The following TMEM134 variants were observed in gnomAD, a reference collection of about 807,000 sequenced individuals.
TMEM134 encodes the protein transmembrane protein 134.
A neutral mutation model predicts 26.2 loss-of-function variants in TMEM134; 36 were observed. The ratio of observed to expected loss-of-function variants is 1.37; its 90% CI spans 1.05 to 1.81. The LOEUF (loss-of-function observed/expected upper bound fraction) is 1.81, where lower values mean the gene tolerates loss of function less well. Ranked by LOEUF, TMEM134 falls within the 40% of genes most tolerant of loss-of-function variation. The pLI, the probability that TMEM134 is intolerant of heterozygous loss-of-function variation, is 0.00. For missense variants in TMEM134, 339 were observed against 263.5 expected (o/e 1.29, Z -1.98); for synonymous variants, 133 against 113.6 (o/e 1.17, Z -1.08).
intron 1 of TMEM134, among the ~76,000 whole-genome samples, chr11:67,468,502 G>T (rs978496628): frequency 2.0e-5 from 3 of 152,224 alleles, no homozygotes; most frequent in Non-Finnish European, 2.9e-5. Flanking sequence ...GGGAAAATGG[G>T]TTTTTCTGGT....
intron 5 of TMEM134, 96 bp downstream of exon 5, chr11:67,464,960 G>A (rs1865156901): frequency 2.0e-6 from 3 of 1,530,170 alleles, no homozygotes; most frequent in East Asian, 2.3e-5. Flanking sequence ...AGCTGAAAAG[G>A]AGCCGTGTAC....
intron 1 of TMEM134, chr11:67,468,302 C>A: frequency 1.7e-6 from 1 of 580,070 alleles, no homozygotes; most frequent in Non-Finnish European, 3.1e-6. Flanking sequence ...GGAGCAGGAG[C>A]CTGCATAGAT....
chr11:67,466,773 C>T (rs1405029823), intron 4 of TMEM134: 1 of 163,556 alleles, frequency 6.1e-6, no homozygotes, highest in Non-Finnish European at 1.4e-5. Context: ...GGTGTGAGAT[C>T]TGCCTGCTCT....
chr11:67,464,197 A>G lies in TMEM134; in HGVS notation c.*417T>C, dbSNP rs912496679. The G allele has an allele frequency of 1.1e-5, 3 of 276,778 alleles. No individual in the cohort carries two copies. The highest frequency in any genetic ancestry group is 1.1e-4 in the East Asian group (1 of 8,782). 17.1% of individuals were successfully genotyped at this position (276,778 alleles called of 1,614,324 possible). A position where few individuals can be genotyped will look rare whatever the true frequency, so the allele number is the denominator to read the frequency against. ...TCCTACGCCCAGCTCTGCCCCTAACATGCCCCGTGCCCTTGGGCAAGCCTC... is the reference window on the plus strand; with the variant it reads ...TCCTACGCCCAGCTCTGCCCCTAACGTGCCCCGTGCCCTTGGGCAAGCCTC... On this transcript the variant is annotated 3_prime_UTR_variant, in exon 7 of 7. Transcript: ENST00000308022.
At position 67,464,493 on chromosome 11, in the gene TMEM134, C is replaced by G. The variant is rs1565168266; in HGVS notation, c.*121G>C. 1 of 1,070,034 alleles carries G rather than the reference C, an allele frequency of 9.3e-7. No homozygotes were observed. 66.3% of individuals were successfully genotyped at this position (1,070,034 alleles called of 1,614,324 possible). A position where few individuals can be genotyped will look rare whatever the true frequency, so the allele number is the denominator to read the frequency against. On this transcript the variant is annotated 3_prime_UTR_variant, in exon 7 of 7. Transcript: ENST00000308022. ...GCCTGCATGCCCCGAACTTCCTGAG[C>G]AAACTCCCTAGGGGCTGGGGTTTCG... is the stretch of plus-strand genomic sequence containing the variant.
chr11:67,467,565 T>G lies in TMEM134; in HGVS notation c.265A>C (p.Ser89Arg). ...TRDSSRTSIR[S>R]SQWSFSTISS... ...ATGGTGCTGAAGGACCACTGGGAGC[T>G]GCGGATGGAAGTTCGGCTGGAATCC... Residue 89 changes from serine (S) to arginine (R), a missense_variant, in exon 3 of 7, where the codon AGC becomes CGC. Coordinates refer to ENST00000308022, the MANE Select transcript of TMEM134 (RefSeq NM_025124.4). 1 of 1,614,006 alleles carries G rather than the reference T, an allele frequency of 6.2e-7. No individual in the cohort carries two copies. Among genetic ancestry groups the G allele is most frequent in the African/African-American group, 1.3e-5 (1 of 74,994 alleles).
In TMEM134 at chr11:67,467,402, G is replaced by A. The variant is rs144723667; in HGVS notation, c.330-14C>T. ...TGTTGGGTCCAGCTGGGTGGCAGGA[G>A]AGCAGGGTGAATGTGAAGGAGGTGG... On this transcript the variant is annotated splice_polypyrimidine_tract_variant and intron_variant, in intron 3 of 6. Coordinates refer to ENST00000308022, the MANE Select transcript of TMEM134 (RefSeq NM_025124.4). 272 of 1,613,874 alleles carry A rather than the reference G, an allele frequency of 1.7e-4. 1 individual carries two copies. The East Asian group carries it at 5.7e-3, about 34-fold the overall frequency.
rs1433913381 is a variant in TMEM134, at chr11:67,466,917, C to T, written c.406+395G>A. ...GGCACTCGGCATCCCTGAGCCCCTA[C>T]ACGTGGCTTCTGGGCACCACCTCAC... On this transcript the variant is annotated intron_variant, in intron 4 of 6. Coordinates refer to ENST00000308022, the MANE Select transcript of TMEM134 (RefSeq NM_025124.4). The T allele has an allele frequency of 2.8e-5, 7 of 251,912 alleles. No homozygotes were observed. In the East Asian group the frequency reaches 8.2e-4, roughly 29 times the overall value. The allele number at this position is 251,912 out of a possible 1,614,324, so 15.6% of individuals were successfully genotyped here. A position where few individuals can be genotyped will look rare whatever the true frequency, so the allele number is the denominator to read the frequency against.
Position 67,469,005 on chromosome 11 carries a change from G to A in TMEM134, c.174+14C>T. The A allele has an allele frequency of 6.7e-7, 1 of 1,483,644 alleles. No homozygotes were observed. The highest frequency in any genetic ancestry group is 8.9e-7 in the Non-Finnish European group (1 of 1,117,642). The allele number at this position is 1,483,644 out of a possible 1,614,324, so 91.9% of individuals were successfully genotyped here. On this transcript the variant is annotated intron_variant, in intron 1 of 6. Transcript: ENST00000308022. ...CGGCCGGGGGCAGGGGGTTAGGTGG[G>A]CCGGGCGGTTCACCTGGTAGCGCAG...
In TMEM134 at chr11:67,464,789, G is replaced by GA. The variant is rs1304952643; in HGVS notation, c.505+13_505+14insT. The stretch of plus-strand genomic sequence containing the variant: ...CACAGCCCCCGCCCCTTCCGCCCCG[G>GA]TGCCCGCTCGCACCTCCAGGCACCA... On this transcript the variant is annotated intron_variant, in intron 6 of 6. Coordinates refer to ENST00000308022, the MANE Select transcript of TMEM134 (RefSeq NM_025124.4). 3 of 1,594,322 alleles carry GA rather than the reference G, an allele frequency of 1.9e-6. No homozygotes were observed. In the Admixed American group the frequency reaches 5.2e-5, roughly 28 times the overall value.
chr11:67,467,964 G>A, intron 2 of TMEM134, 64 bp downstream of exon 2: 1 of 1,452,222 alleles, frequency 6.9e-7, no homozygotes, highest in Admixed American at 2.0e-5. Flanking sequence ...GGGTGACTGA[G>A]CAGGGTCCCT....
chr11:67,464,992 G>T, intron 5 of TMEM134, 64 bp downstream of exon 5: 1 of 1,494,076 alleles, frequency 6.7e-7, no homozygotes, highest in Non-Finnish European at 9.1e-7. Context: ...GGGAGGGCTT[G>T]CCGTGGACCC....
At chr11:67,468,281 C>A in intron 1 of TMEM134, 189 bp from the exon 2 acceptor site, 1 of 609,690 alleles carries the variant, frequency 1.6e-6, no homozygotes, top group African/African-American at 1.8e-5. Context: ...GGGTGGATGC[C>A]AGGGCTTTGG....
Position 67,469,088 on chromosome 11 carries a change from C to A in TMEM134, c.105G>T (p.Pro35=). The part of the protein sequence containing the change: ...PESSGVARFG[P]LHFERRARFE... ...ACCGGGCCCGACGCTCGAAGTGCAG[C>A]GGCCCAAAGCGCGCGACCCCGCTGG... The change falls in exon 1 of 7, where the codon CCG becomes CCT. Residue 35 remains proline (P), a synonymous_variant. Transcript: ENST00000308022. The A allele has an allele frequency of 2.0e-6, 3 of 1,511,276 alleles. No individual in the cohort carries two copies. Among genetic ancestry groups the A allele is most frequent in the South Asian group, 1.2e-5 (1 of 81,734 alleles). The allele number at this position is 1,511,276 out of a possible 1,614,324, so 93.6% of individuals were successfully genotyped here. A position where few individuals can be genotyped will look rare whatever the true frequency, so the allele number is the denominator to read the frequency against.
rs942417751 is a variant in TMEM134, at chr11:67,464,411, C to T, written c.*203G>A. 12 of 613,888 alleles carry T rather than the reference C, an allele frequency of 2.0e-5. No homozygotes were observed. Among genetic ancestry groups the T allele is most frequent in the Non-Finnish European group, 2.6e-5 (9 of 342,838 alleles). 38.0% of individuals were successfully genotyped at this position (613,888 alleles called of 1,614,324 possible). ...AAATAACAGCAACCTAGCAGCCGCA[C>T]GGCCCGAGAATAAGTTAAGGCACAG... On this transcript the variant is annotated 3_prime_UTR_variant, in exon 7 of 7. Transcript: ENST00000308022.
In TMEM134 at chr11:67,467,608, C is replaced by T; in HGVS notation, c.240-18G>A. 6.2e-7 allele frequency: 1 copy of T among 1,612,962 alleles called. No homozygotes were observed. Among genetic ancestry groups the T allele is most frequent in the Non-Finnish European group, 8.5e-7 (1 of 1,179,494 alleles). On this transcript the variant is annotated intron_variant, in intron 2 of 6. Coordinates refer to ENST00000308022, the MANE Select transcript of TMEM134 (RefSeq NM_025124.4). ...TGGAATCCCTGCCAGGACAGGCGCC[C>T]AGTGAGGGGCAGGGAGGCAAGGACG...
chr11:67,467,682 G>C, intron 2 of TMEM134, 92 bp from the exon 3 acceptor site: 2 of 1,302,778 alleles, frequency 1.5e-6, no homozygotes, highest in Admixed American at 3.5e-5. Flanking sequence ...CATGGTGCAG[G>C]GACTGGGGCT....
At position 67,464,312 on chromosome 11, in the gene TMEM134, G is replaced by T; in HGVS notation, c.*302C>A. On this transcript the variant is annotated 3_prime_UTR_variant, in exon 7 of 7. Coordinates refer to ENST00000308022, the MANE Select transcript of TMEM134 (RefSeq NM_025124.4). ...GAGGGGGGCTGTGGTCAGGCTGGTG[G>T]GCTGGGCTAGCAGTGGCAGGACAGG... The T allele has an allele frequency of 2.1e-6, 1 of 477,052 alleles. No homozygotes were observed. The highest frequency in any genetic ancestry group is 3.8e-6 in the Non-Finnish European group (1 of 262,144). 29.6% of individuals were successfully genotyped at this position (477,052 alleles called of 1,614,324 possible). A position where few individuals can be genotyped will look rare whatever the true frequency, so the allele number is the denominator to read the frequency against.
rs762526963 is a variant in TMEM134, at chr11:67,463,013, T to C, written c.*1601A>G. ...CGGCTAGTTCTTCTTATGAAAGTAC[T>C]GGACCGTGATGGATTAGAAATGAAA... is the stretch of plus-strand genomic sequence containing the variant. On this transcript the variant is annotated 3_prime_UTR_variant, in exon 7 of 7. Coordinates refer to ENST00000308022, the MANE Select transcript of TMEM134 (RefSeq NM_025124.4). 6.6e-6 allele frequency: 1 copy of C among 152,208 alleles called. No homozygotes were observed. Among genetic ancestry groups the C allele is most frequent in the Non-Finnish European group, 1.5e-5 (1 of 68,034 alleles). 9.4% of individuals were successfully genotyped at this position (152,208 alleles called of 1,614,324 possible). A position where few individuals can be genotyped will look rare whatever the true frequency, so the allele number is the denominator to read the frequency against.
Sources: allele counts gnomAD v4.1 joint callset (sites outside exome capture counted in the v4.1 genomes callset), GRCh38; gene constraint gnomAD v4.1.1; transcripts MANE v1.5; gene names NCBI Gene and HGNC (gene_info 2026-07-23, HGNC 2026-07-21).